Variants in SLK observed in about 807,000 individuals in gnomAD.
SLK encodes the protein STE20 like kinase, also known as STE20-like serine/threonine-protein kinase.
SLK carries 67 observed loss-of-function variants against 147.7 expected under a neutral mutation model. The ratio of observed to expected loss-of-function variants is 0.45; its 90% CI spans 0.37 to 0.56. The LOEUF is 0.56. SLK is among the 20% of genes least tolerant of loss of function. SLK has a pLI of 0.00. For missense variants in SLK, 1,136 were observed against 1,438.8 expected, an observed-to-expected ratio of 0.79 and a Z score of 3.41; for synonymous variants, 441 against 475.0, an observed-to-expected ratio of 0.93 and a Z score of 0.93.
At chr10:103,982,148 C>T (rs146693210) in intron 1 of SLK, among the ~76,000 whole-genome samples, 1 of 152,170 alleles carries the variant, frequency 6.6e-6, no homozygotes, top group East Asian at 1.9e-4. Context: ...AATTTCCAGA[C>T]GTGGTACATT....
At chr10:104,002,122 T>TTAGTGTAAAA in intron 8 of SLK, 50 bp from the exon 9 acceptor site, 1 of 1,383,026 alleles carries the variant, frequency 7.2e-7, no homozygotes, top group Non-Finnish European at 9.8e-7. Flanking sequence ...ATTGTTTTGG[T>TTAGTGTAAAA]CACTCTAAGG....
At chr10:104,001,634 T>G in intron 8 of SLK, 62 bp downstream of exon 8, 3 of 1,581,100 alleles carry the variant, frequency 1.9e-6, no homozygotes, top group Non-Finnish European at 2.6e-6. Flanking sequence ...GTGTAGTTGC[T>G]CCTGTATCTA....
chr10:104,001,455 T>TA lies in SLK; in HGVS notation c.877dup (p.Thr293AsnfsTer3). 1 of 1,613,970 alleles carries TA rather than the reference T, an allele frequency of 6.2e-7. No individual in the cohort carries two copies. Among genetic ancestry groups the TA allele is most frequent in the South Asian group, 1.1e-5 (1 of 91,086 alleles). The stretch of plus-strand genomic sequence containing the variant: ...TTAATGATCAACAGCATCCCTTTGT[T>TA]ACTGTTGATTCCAACAAACCCATCC... On this transcript the variant is annotated frameshift_variant, in exon 8 of 19. Coordinates refer to ENST00000369755, the MANE Select transcript of SLK (RefSeq NM_014720.4). LOFTEE classifies it high-confidence loss of function.
At chr10:104,005,429 T>G (rs968886156) in intron 9 of SLK, 132 bp from the exon 10 acceptor site, 4 of 732,654 alleles carry the variant, frequency 5.5e-6, no homozygotes, top group Non-Finnish European at 6.5e-6. Context: ...TATTTATACT[T>G]TCTATGTGTA....
intron 1 of SLK, among the ~76,000 whole-genome samples, chr10:103,987,677 A>G (rs945587973): frequency 4.6e-5 from 7 of 152,232 alleles, no homozygotes; most frequent in African/African-American, 1.7e-4. Context: ...TGTCTTATAA[A>G]AACAACCTAG....
rs143783348 is a variant in SLK, at chr10:104,002,815, G to T, written c.1637G>T (p.Ser546Ile). ...KTQKDVISNT[S>I]DVIGTCEAAD... Reference sequence around the variant, plus strand: ...CAAAAAGATGTGATCAGCAATACAAGTGATGTGATAGGAACATGTGAGGCA... The same window carrying T: ...CAAAAAGATGTGATCAGCAATACAATTGATGTGATAGGAACATGTGAGGCA... Residue 546 changes from serine (S) to isoleucine (I), a missense_variant, in exon 9 of 19, where the codon AGT becomes ATT. By Grantham distance (142) the Ser-to-Ile change is moderately radical. Coordinates refer to ENST00000369755, the MANE Select transcript of SLK (RefSeq NM_014720.4). 6.2e-7 allele frequency: 1 copy of T among 1,614,128 alleles called. No individual in the cohort carries two copies. The highest frequency in any genetic ancestry group is 1.1e-5 in the South Asian group (1 of 91,068).
chr10:104,001,402 A>G (rs762971996), intron 7 of SLK, 42 bp from the exon 8 acceptor site: 8 of 1,494,194 alleles, frequency 5.4e-6, no homozygotes, highest in Admixed American at 1.7e-5. Flanking sequence ...TTAGTTTAGT[A>G]GTATTCCAGT....
chr10:103,977,457 T>TA (rs936975777), intron 1 of SLK, among the ~76,000 whole-genome samples: 42 of 152,046 alleles, frequency 2.8e-4, no homozygotes, highest in African/African-American at 7.2e-4. Flanking sequence ...CGGAAAGTAG[T>TA]AAAAAAACTT....
Position 104,002,834 on chromosome 10 carries a change from T to C in SLK, c.1656T>C (p.Cys552=). The part of the protein sequence containing the change: ...ISNTSDVIGT[C]EAADVAQKVD... ...ATACAAGTGATGTGATAGGAACATG[T>C]GAGGCAGCAGATGTGGCTCAGAAAG... Residue 552 remains cysteine (C), a synonymous_variant, in exon 9 of 19, where the codon TGT becomes TGC. Transcript: ENST00000369755. 1.2e-6 allele frequency: 2 copies of C among 1,614,060 alleles called. No homozygotes were observed. Among genetic ancestry groups the C allele is most frequent in the African/African-American group, 1.3e-5 (1 of 75,016 alleles).
At chr10:104,009,513 T>C (rs1293140291) in intron 12 of SLK, among the ~76,000 whole-genome samples, 2 of 152,120 alleles carry the variant, frequency 1.3e-5, no homozygotes, top group Non-Finnish European at 2.9e-5. Context: ...TTTCTAAAAA[T>C]CACTATTTTA....
intron 1 of SLK, among the ~76,000 whole-genome samples, chr10:103,987,617 G>A (rs1844035588): frequency 1.3e-5 from 2 of 152,098 alleles, no homozygotes; most frequent in South Asian, 2.1e-4. Context: ...TGTTTTTAAT[G>A]TAATAAGTGG....
Sources: gnomAD v4.1 joint callset for allele counts (sites outside exome capture counted in the v4.1 genomes callset) on GRCh38, gnomAD v4.1.1 for gene constraint, MANE v1.5 for transcripts, NCBI Gene and HGNC (gene_info 2026-07-23, HGNC 2026-07-21) for gene names.